TMPRSS11D: variants seen among roughly 807,000 people sequenced by gnomAD.
TMPRSS11D encodes the protein transmembrane protease serine 11D.
A neutral mutation model predicts 44.4 loss-of-function variants in TMPRSS11D; 32 were observed. That is an observed-to-expected ratio of 0.72 (90% CI 0.54 to 0.97). The LOEUF (loss-of-function observed/expected upper bound fraction) is 0.97. Among genes scored for constraint, TMPRSS11D ranks in the 50% least tolerant of loss-of-function variants. The pLI, the probability that TMPRSS11D is intolerant of heterozygous loss-of-function variation, is 0.00. For missense variants in TMPRSS11D, 446 were observed against 502.6 expected (o/e 0.89, Z 1.08); for synonymous variants, 179 against 177.9 (o/e 1.01, Z -0.05).
At position 67,827,451 on chromosome 4, in the gene TMPRSS11D, T is replaced by C; in HGVS notation, c.762A>G (p.Arg254=). The C allele has an allele frequency of 6.2e-7, 1 of 1,612,634 alleles. No homozygotes were observed. Among genetic ancestry groups the C allele is most frequent in the Non-Finnish European group, 8.5e-7 (1 of 1,179,260 alleles). Residue 254 remains arginine (R), a synonymous_variant, in exon 8 of 10, where the codon AGA becomes AGG. Coordinates refer to ENST00000283916, the MANE Select transcript of TMPRSS11D (RefSeq NM_004262.3). Reference sequence around the variant, plus strand: ...TGTTATGAATTAAAATATTTCTTACTCTCATTCTTAGTTTAGGAAATGTTG... The same window carrying C: ...TGTTATGAATTAAAATATTTCTTACCCTCATTCTTAGTTTAGGAAATGTTG... ...ISTTFPKLRM[R]VRNILIHNNY...
At chr4:67,863,388 A>C (rs1191689826) in intron 1 of TMPRSS11D, among the ~76,000 whole-genome samples, 1 of 151,220 alleles carries the variant, frequency 6.6e-6, no homozygotes, top group South Asian at 2.1e-4. Flanking sequence ...TTTTTCTCCC[A>C]TTGGACTATA....
At chr4:67,858,244 G>A (rs1379254146) in intron 2 of TMPRSS11D, among the ~76,000 whole-genome samples, 1 of 152,156 alleles carries the variant, frequency 6.6e-6, no homozygotes, top group Admixed American at 6.6e-5. Context: ...GGGGAAGGGT[G>A]GTTGTTTGTA....
intron 4 of TMPRSS11D, among the ~76,000 whole-genome samples, chr4:67,840,734 G>A (rs1718210484): frequency 6.6e-6 from 1 of 152,120 alleles, no homozygotes. Context: ...TTTACACAAT[G>A]TGATTATTAT....
At chr4:67,868,681 C>CT (rs1560548798) in intron 1 of TMPRSS11D, among the ~76,000 whole-genome samples, 1 of 152,256 alleles carries the variant, frequency 6.6e-6, no homozygotes, top group East Asian at 1.9e-4. Flanking sequence ...TTATAGAAGA[C>CT]TTTGTGAGTA....
At chr4:67,851,376 A>T (rs1718504621) in intron 3 of TMPRSS11D, among the ~76,000 whole-genome samples, 1 of 151,944 alleles carries the variant, frequency 6.6e-6, no homozygotes, top group Non-Finnish European at 1.5e-5. Flanking sequence ...CCAATTTCGG[A>T]CTGCACTCCT....
intron 3 of TMPRSS11D, among the ~76,000 whole-genome samples, chr4:67,845,693 T>C (rs1718340758): frequency 6.6e-6 from 1 of 152,138 alleles, no homozygotes; most frequent in Non-Finnish European, 1.5e-5. Context: ...TGAGTAAACA[T>C]TGAAAAAATG....
intron 3 of TMPRSS11D, among the ~76,000 whole-genome samples, chr4:67,851,101 C>T (rs555598603): frequency 6.6e-6 from 1 of 152,096 alleles, no homozygotes; most frequent in African/African-American, 2.4e-5. Flanking sequence ...GGAAATGTAC[C>T]GAAGCGGGAG....
chr4:67,832,336 C>A (rs750127080), intron 7 of TMPRSS11D, among the ~76,000 whole-genome samples: 4 of 152,240 alleles, frequency 2.6e-5, no homozygotes, highest in South Asian at 4.1e-4. Context: ...AAGTTCCCAA[C>A]AACTGTTGTG....
At chr4:67,822,567 C>G in intron 9 of TMPRSS11D, 69 bp from the exon 10 acceptor site, 1 of 1,541,340 alleles carries the variant, frequency 6.5e-7, no homozygotes, top group South Asian at 1.2e-5. Flanking sequence ...GAGTTTATTT[C>G]TATGGCAGTC....
At chr4:67,846,314 T>C (rs1473516612) in intron 3 of TMPRSS11D, among the ~76,000 whole-genome samples, 1 of 152,084 alleles carries the variant, frequency 6.6e-6, no homozygotes, top group African/African-American at 2.4e-5. Flanking sequence ...ATATCCATTA[T>C]AATATATTTA....
chr4:67,877,124 C>T (rs115425535), intron 1 of TMPRSS11D, among the ~76,000 whole-genome samples: 2,452 of 152,128 alleles, frequency 0.016, 32 homozygotes, highest in Non-Finnish European at 0.024. Context: ...CTCTGTACTT[C>T]GTTATATCTT....
intron 1 of TMPRSS11D, among the ~76,000 whole-genome samples, chr4:67,865,305 A>C (rs1718895235): frequency 6.6e-6 from 1 of 151,812 alleles, no homozygotes. Context: ...GGATTTAAAA[A>C]AATTTTGAAA....
chr4:67,842,666 GT>G, intron 3 of TMPRSS11D, 41 bp from the exon 4 acceptor site: 2 of 1,538,898 alleles, frequency 1.3e-6, no homozygotes, highest in Non-Finnish European at 1.8e-6. Flanking sequence ...TGTAAATACA[GT>G]TCTTCTTCTC....
At chr4:67,859,817 T>C in intron 1 of TMPRSS11D, 139 bp from the exon 2 acceptor site, 1 of 1,213,422 alleles carries the variant, frequency 8.2e-7, no homozygotes, top group South Asian at 1.9e-5. Flanking sequence ...TTCGTAGATA[T>C]GAAACTGAAC....
In TMPRSS11D at chr4:67,833,252, C is replaced by T. The variant is rs1217851328; in HGVS notation, c.644G>A (p.Ser215Asn). 1.3e-6 allele frequency: 2 copies of T among 1,577,522 alleles called. No homozygotes were observed. Among genetic ancestry groups the T allele is most frequent in the Non-Finnish European group, 1.7e-6 (2 of 1,163,328 alleles). The change falls in exon 7 of 10, where the codon AGC (serine) becomes AAC (asparagine). Residue 215 changes from serine (S) to asparagine (N), a missense_variant. Transcript: ENST00000283916. ...CAGGATCCACATGTTATTGATCAGG[C>T]TGCCTCCACAGTGGTGGGCATTATT... ...RLNNAHHCGG[S>N]LINNMWILTA...
chr4:67,859,305 T>A (rs1374814844), intron 2 of TMPRSS11D, among the ~76,000 whole-genome samples: 1 of 152,078 alleles, frequency 6.6e-6, no homozygotes, highest in Non-Finnish European at 1.5e-5. Context: ...AATTCTTTTT[T>A]GAGTAACAAT....
At chr4:67,854,806 C>T (rs1236515285) in intron 2 of TMPRSS11D, among the ~76,000 whole-genome samples, 2 of 152,172 alleles carry the variant, frequency 1.3e-5, no homozygotes, top group Admixed American at 6.5e-5. Context: ...TGTCCAGGAC[C>T]AATGGCTTTA....
intron 1 of TMPRSS11D, among the ~76,000 whole-genome samples, chr4:67,861,713 T>G (rs1212855765): frequency 2.0e-5 from 3 of 152,120 alleles, no homozygotes; most frequent in Non-Finnish European, 4.4e-5. Context: ...GAAAAACGTC[T>G]TGAACTCAAT....
chr4:67,822,275 C>T lies in TMPRSS11D; in HGVS notation c.*62G>A. On this transcript the variant is annotated 3_prime_UTR_variant, in exon 10 of 10. Transcript: ENST00000283916. ...TTTCTTTTTCAGTTGAAATGTAAAG[C>T]TTTGGAATTTAAGACAGGCACACCT... is the stretch of plus-strand genomic sequence containing the variant. 1 of 1,545,334 alleles carries T rather than the reference C, an allele frequency of 6.5e-7. No homozygotes were observed. Among genetic ancestry groups the T allele is most frequent in the Non-Finnish European group, 8.8e-7 (1 of 1,132,282 alleles).
Sources: allele counts gnomAD v4.1 joint callset (sites outside exome capture counted in the v4.1 genomes callset), GRCh38; gene constraint gnomAD v4.1.1; transcripts MANE v1.5; gene names NCBI Gene and HGNC (gene_info 2026-07-23, HGNC 2026-07-21).